EBF3: variants seen among roughly 807,000 people sequenced by gnomAD.
The protein encoded by EBF3 is EBF transcription factor 3, also known as transcription factor COE3.
A neutral mutation model predicts 77.1 loss-of-function variants in EBF3; 18 were observed. That is an observed-to-expected ratio of 0.23 (90% CI 0.16 to 0.35). EBF3 has a LOEUF of 0.35. Among genes scored for constraint, EBF3 ranks in the 10% least tolerant of loss-of-function variants. The pLI, the probability that EBF3 is intolerant of heterozygous loss-of-function variation, is 1.00. For missense variants in EBF3, 558 were observed against 860.0 expected (o/e 0.65, Z 4.39); for synonymous variants, 350 against 343.5 (o/e 1.02, Z -0.21).
At chr10:129,951,276 A>G (rs1357483404) in intron 6 of EBF3, among the ~76,000 whole-genome samples, 2 of 152,226 alleles carry the variant, frequency 1.3e-5, no homozygotes, top group African/African-American at 4.8e-5. Flanking sequence ...CCATAAAGTA[A>G]TCCAATTCAC....
chr10:129,961,992 T>C (rs1398316404), intron 4 of EBF3, among the ~76,000 whole-genome samples, 179 bp downstream of exon 4: 4 of 152,214 alleles, frequency 2.6e-5, no homozygotes, highest in African/African-American at 9.6e-5. Context: ...AATGACAACA[T>C]AAACTATTTT....
At chr10:129,945,883 A>T (rs576548538) in intron 6 of EBF3, among the ~76,000 whole-genome samples, 1 of 152,268 alleles carries the variant, frequency 6.6e-6, no homozygotes, top group Non-Finnish European at 1.5e-5. Flanking sequence ...TGCTACAAGG[A>T]GAAGGGAACA....
At chr10:129,931,027 T>C (rs139756387) in intron 6 of EBF3, among the ~76,000 whole-genome samples, 8,360 of 150,728 alleles carry the variant, frequency 0.055, 789 homozygotes, top group African/African-American at 0.19. Flanking sequence ...TATCTGTCTA[T>C]ATCTATCTCT....
chr10:129,873,147 G>A (rs865806321), intron 8 of EBF3, among the ~76,000 whole-genome samples: 26 of 152,250 alleles, frequency 1.7e-4, no homozygotes, highest in Middle Eastern at 6.8e-3. Context: ...GGGCGCTTCC[G>A]ACAAACCAAA....
Position 129,873,728 on chromosome 10 carries a change from G to A in EBF3, c.637-132C>T, listed in dbSNP as rs1589757967. ...CACGTGTTCCTGGACACTGTTGATC[G>A]ATGTGCGTTCACAGCTTTTTTGGCT... On this transcript the variant is annotated intron_variant, in intron 7 of 16. Coordinates refer to ENST00000440978, the MANE Select transcript of EBF3 (RefSeq NM_001375380.1). 8.0e-6 allele frequency: 8 copies of A among 1,002,572 alleles called. No homozygotes were observed. In the East Asian group the frequency reaches 9.3e-5, roughly 12 times the overall value. The allele number at this position is 1,002,572 out of a possible 1,614,324, so 62.1% of individuals were successfully genotyped here.
At chr10:129,955,135 A>G (rs566385597) in intron 6 of EBF3, among the ~76,000 whole-genome samples, 171 of 152,338 alleles carry the variant, frequency 1.1e-3, no homozygotes, top group African/African-American at 3.7e-3. Context: ...GGGATTTACA[A>G]CAGACAACAC....
chr10:129,875,081 G>A (rs960931563), intron 7 of EBF3, among the ~76,000 whole-genome samples: 1 of 151,288 alleles, frequency 6.6e-6, no homozygotes. Context: ...ATGAGTCACT[G>A]AATATAAAAT....
chr10:129,935,899 G>A lies in EBF3; in HGVS notation c.554+21359C>T, dbSNP rs537730931. Among the ~76,000 whole-genome samples the A allele has an allele frequency of 9.2e-5, 14 of 152,168 alleles. No individual in the cohort carries two copies. Among genetic ancestry groups the A allele is most frequent in the Non-Finnish European group, 1.3e-4 (9 of 68,004 alleles). On this transcript the variant is annotated intron_variant, in intron 6 of 16. Transcript: ENST00000440978. This position sits in a 1 kb window ranked among gnomAD's most constrained non-coding sequence, Gnocchi z 4.2. Reference sequence around the variant, plus strand: ...GGCAGGCATGGACAAAGGAATGGCCGGGGAAGGCAGAGCCCAAGCAGCCCT... The same window carrying A: ...GGCAGGCATGGACAAAGGAATGGCCAGGGAAGGCAGAGCCCAAGCAGCCCT...
intron 7 of EBF3, among the ~76,000 whole-genome samples, chr10:129,875,583 G>C (rs1325820926): frequency 2.6e-5 from 4 of 152,220 alleles, no homozygotes; most frequent in African/African-American, 7.2e-5. Context: ...CCCTCATCGG[G>C]GGCAGCTTCC....
chr10:129,867,069 C>A, intron 10 of EBF3, 72 bp downstream of exon 10: 3 of 1,550,868 alleles, frequency 1.9e-6, no homozygotes, highest in Non-Finnish European at 2.6e-6. Flanking sequence ...TCCTCCCGTG[C>A]CCTCATGAGC....
intron 10 of EBF3, among the ~76,000 whole-genome samples, chr10:129,858,219 T>C (rs1851387639): frequency 6.6e-6 from 1 of 152,218 alleles, no homozygotes; most frequent in East Asian, 1.9e-4. Context: ...CTCCGTGGTG[T>C]CTGCCGGTGA....
At position 129,842,318 on chromosome 10, in the gene EBF3, G is replaced by A. The variant is rs777379264; in HGVS notation, c.1195-25C>T. Reference sequence around the variant, plus strand: ...CCTGCAGCAGGAGCAAGTGGGAGCCGGCCTGTCACCCCAGGCCCGGCCCAG... The same window carrying A: ...CCTGCAGCAGGAGCAAGTGGGAGCCAGCCTGTCACCCCAGGCCCGGCCCAG... On this transcript the variant is annotated intron_variant, in intron 12 of 16. Coordinates refer to ENST00000440978, the MANE Select transcript of EBF3 (RefSeq NM_001375380.1). This position sits in a 1 kb window ranked among gnomAD's most constrained non-coding sequence, Gnocchi z 4.4. The A allele has an allele frequency of 1.2e-5, 19 of 1,555,444 alleles. No homozygotes were observed. Among genetic ancestry groups the A allele is most frequent in the South Asian group, 7.4e-5 (6 of 81,506 alleles).
At chr10:129,958,786 C>T (rs1361958929) in intron 5 of EBF3, 148 bp downstream of exon 5, 1 of 1,092,644 alleles carries the variant, frequency 9.2e-7, no homozygotes, top group Non-Finnish European at 1.2e-6. Context: ...TCCTCCGCGG[C>T]CCGGCGCGCG....
chr10:129,901,143 A>G (rs1379147196), intron 6 of EBF3, among the ~76,000 whole-genome samples: 1 of 152,188 alleles, frequency 6.6e-6, no homozygotes, highest in Non-Finnish European at 1.5e-5. Context: ...GTACATCTGG[A>G]GTGTCTCATC....
chr10:129,847,777 C>T (rs777646037), intron 11 of EBF3, among the ~76,000 whole-genome samples: 2 of 152,200 alleles, frequency 1.3e-5, no homozygotes, highest in Non-Finnish European at 2.9e-5. Flanking sequence ...TAATGTTATA[C>T]ATCAAAATGG....
In EBF3 at chr10:129,935,525, C is replaced by T. The variant is rs150565336; in HGVS notation, c.554+21733G>A. On this transcript the variant is annotated intron_variant, in intron 6 of 16. Coordinates refer to ENST00000440978, the MANE Select transcript of EBF3 (RefSeq NM_001375380.1). This position sits in a 1 kb window ranked among gnomAD's most constrained non-coding sequence, Gnocchi z 4.2. ...CCTAAGAACAAGCCTCCCAACTCAG[C>T]GCCAACTGCGGAGCACCAAGCACCC... is the stretch of plus-strand genomic sequence containing the variant. 6.6e-6 allele frequency among the ~76,000 whole-genome samples: 1 copy of T among 152,314 alleles called. No individual in the cohort carries two copies. The highest frequency in any genetic ancestry group is 1.9e-4 in the East Asian group (1 of 5,170).
At chr10:129,838,980 C>G (rs529889148) in intron 16 of EBF3, 103 bp downstream of exon 16, 1,568 of 1,120,246 alleles carry the variant, frequency 1.4e-3, no homozygotes, top group Non-Finnish European at 1.7e-3. Context: ...TGGTGTGGTG[C>G]CCGCTGATGG....
At chr10:129,946,116 T>G (rs1858199987) in intron 6 of EBF3, among the ~76,000 whole-genome samples, 1 of 152,156 alleles carries the variant, frequency 6.6e-6, no homozygotes, top group Non-Finnish European at 1.5e-5. Context: ...AAAACATGAT[T>G]AAAAAGACCG....
chr10:129,850,280 T>C lies in EBF3; in HGVS notation c.1040-1800A>G, dbSNP rs118023930. Among the ~76,000 whole-genome samples the C allele has an allele frequency of 3.0e-3, 453 of 152,380 alleles. 1 individual carries two copies. The highest frequency in any genetic ancestry group is 4.7e-3 in the Non-Finnish European group (318 of 68,034). On this transcript the variant is annotated intron_variant, in intron 10 of 16. Coordinates refer to ENST00000440978, the MANE Select transcript of EBF3 (RefSeq NM_001375380.1). ...TCATGCAAATGCCCCTGACAGGTGA[T>C]AGACGCTTTAATGCAAGCTTTCAGA...
Sources: gnomAD v4.1 joint callset for allele counts (sites outside exome capture counted in the v4.1 genomes callset) on GRCh38, gnomAD v4.1.1 for gene constraint, Gnocchi (gnomAD v3.1) non-coding constraint, MANE v1.5 for transcripts, NCBI Gene and HGNC (gene_info 2026-07-23, HGNC 2026-07-21) for gene names.